RBFOX1: variants seen among roughly 807,000 people sequenced by gnomAD.
RBFOX1 encodes RNA binding fox-1 homolog 1.
A neutral mutation model predicts 57.7 loss-of-function variants in RBFOX1; 8 were observed. That is an observed-to-expected ratio of 0.14 (90% CI 0.08 to 0.25). RBFOX1 has a LOEUF of 0.25. Ranked by LOEUF, RBFOX1 falls within the 10% of genes least tolerant of loss-of-function variation. The probability of loss-of-function intolerance (pLI) is 1.00; values close to 1 mark genes in which losing one functional copy is unlikely to be tolerated. For synonymous variants in RBFOX1, 326 were observed against 222.4 expected (o/e 1.47, Z -4.15); for missense variants, 611 against 548.5 (o/e 1.11, Z -1.14).
At chr16:7,174,686 A>G (rs1211364610) in intron 4 of RBFOX1, among the ~76,000 whole-genome samples, 2 of 152,202 alleles carry the variant, frequency 1.3e-5, no homozygotes, top group Non-Finnish European at 2.9e-5. Flanking sequence ...AGTCTGAGGC[A>G]GGAGAATCAC....
chr16:5,877,684 A>C (rs1325443649), intron 4 of RBFOX1, among the ~76,000 whole-genome samples: 2 of 152,262 alleles, frequency 1.3e-5, no homozygotes, highest in Admixed American at 1.3e-4. Flanking sequence ...GCTACCCTGA[A>C]GGGAGTGTGC....
intron 3 of RBFOX1, among the ~76,000 whole-genome samples, chr16:5,737,669 C>T (rs1328449953): frequency 6.6e-6 from 1 of 151,876 alleles, no homozygotes; most frequent in Admixed American, 6.6e-5. Flanking sequence ...TCTTCCTTTG[C>T]ACTGTCTCCG....
intron 4 of RBFOX1, among the ~76,000 whole-genome samples, chr16:7,114,898 C>T (rs2065557965): frequency 6.6e-6 from 1 of 152,112 alleles, no homozygotes; most frequent in Non-Finnish European, 1.5e-5. Context: ...TAGAGCAAAC[C>T]AAAATTTGGA....
At chr16:5,896,309 G>A (rs2058162318) in intron 4 of RBFOX1, among the ~76,000 whole-genome samples, 1 of 152,154 alleles carries the variant, frequency 6.6e-6, no homozygotes, top group African/African-American at 2.4e-5. Context: ...CCTGGGAGGT[G>A]TTTTGATCGT....
At chr16:5,766,066 G>T (rs76873759) in intron 3 of RBFOX1, among the ~76,000 whole-genome samples, 1 of 152,198 alleles carries the variant, frequency 6.6e-6, no homozygotes, top group East Asian at 1.9e-4. Flanking sequence ...GCAGCCAATA[G>T]CTCAGAGTTC....
intron 4 of RBFOX1, among the ~76,000 whole-genome samples, chr16:7,164,358 T>C (rs1227658884): frequency 6.6e-6 from 1 of 152,178 alleles, no homozygotes; most frequent in Non-Finnish European, 1.5e-5. Context: ...CTTGATCCAC[T>C]CATTGGCTAA....
chr16:6,088,071 G>A (rs7202980), intron 1 of RBFOX1, among the ~76,000 whole-genome samples: 164 of 152,242 alleles, frequency 1.1e-3, no homozygotes, highest in Non-Finnish European at 1.7e-3. Flanking sequence ...CTTTCTACAA[G>A]GTGAATTTTA....
intron 3 of RBFOX1, among the ~76,000 whole-genome samples, chr16:5,614,234 C>A (rs1382665232): frequency 1.3e-5 from 2 of 152,112 alleles, no homozygotes; most frequent in Admixed American, 1.3e-4. Context: ...AGACTGCAGA[C>A]ATTTTTAAAC....
chr16:5,270,248 T>G (rs2062971424), intron 1 of RBFOX1: 2 of 556,774 alleles, frequency 3.6e-6, no homozygotes, highest in Admixed American at 2.5e-5. Flanking sequence ...TTGATCCATT[T>G]TCTAAGAAAG....
At chr16:5,529,897 A>G (rs1383286296) in intron 2 of RBFOX1, among the ~76,000 whole-genome samples, 1 of 152,102 alleles carries the variant, frequency 6.6e-6, no homozygotes, top group Non-Finnish European at 1.5e-5. Context: ...GGATATTTAG[A>G]CACAGGGAGA....
chr16:5,852,971 C>T (rs2056934248), intron 3 of RBFOX1, among the ~76,000 whole-genome samples: 1 of 152,132 alleles, frequency 6.6e-6, no homozygotes, highest in Admixed American at 6.5e-5. Context: ...TGAGTTACTT[C>T]GTTCTCTCTG....
At chr16:5,315,023 G>T (rs2064196918) in intron 1 of RBFOX1, among the ~76,000 whole-genome samples, 1 of 152,172 alleles carries the variant, frequency 6.6e-6, no homozygotes, top group Admixed American at 6.5e-5. Flanking sequence ...GGGCCTCTGT[G>T]AGATGCCCTT....
chr16:7,134,746 T>C (rs62017065), intron 4 of RBFOX1, among the ~76,000 whole-genome samples: 13,588 of 152,236 alleles, frequency 0.089, 856 homozygotes, highest in Non-Finnish European at 0.13. Flanking sequence ...GCTGCTGCTG[T>C]AGATGGCTTG....
At chr16:7,581,380 G>A (rs62011672) in intron 6 of RBFOX1, among the ~76,000 whole-genome samples, 26,710 of 152,004 alleles carry the variant, frequency 0.18, 2,608 homozygotes, top group Non-Finnish European at 0.22. Flanking sequence ...AATGATGGGC[G>A]GTAAGAGGAG....
At chr16:5,467,150 G>C in intron 1 of RBFOX1, 1 of 1,370,000 alleles carries the variant, frequency 7.3e-7, no homozygotes, top group Non-Finnish European at 9.7e-7. Context: ...CAAAGCAATT[G>C]TTTCAATGTA....
At chr16:6,821,928 G>A (rs529739287) in intron 3 of RBFOX1, among the ~76,000 whole-genome samples, 291 of 152,262 alleles carry the variant, frequency 1.9e-3, no homozygotes, top group African/African-American at 6.7e-3. Context: ...AGGAAACTCT[G>A]TTTTTCACAG....
chr16:6,159,892 T>A (rs2096865430), intron 1 of RBFOX1, among the ~76,000 whole-genome samples: 1 of 97,552 alleles, frequency 1.0e-5, no homozygotes, highest in Admixed American at 1.4e-4. Flanking sequence ...TCTCCTTAAA[T>A]TTGTGCTGCT....
intron 4 of RBFOX1, among the ~76,000 whole-genome samples, chr16:7,319,119 T>A (rs2143004329): frequency 6.6e-6 from 1 of 152,344 alleles, no homozygotes; most frequent in Middle Eastern, 3.4e-3. Context: ...AGTTCCCTTT[T>A]GTCCCTTTGT....
intron 3 of RBFOX1, among the ~76,000 whole-genome samples, chr16:6,914,069 T>C (rs1476132848): frequency 6.6e-6 from 1 of 152,240 alleles, no homozygotes; most frequent in African/African-American, 2.4e-5. Flanking sequence ...AAACCCATCT[T>C]TTGTTTTATG....
Sources: allele counts gnomAD v4.1 joint callset (sites outside exome capture counted in the v4.1 genomes callset), GRCh38; gene constraint gnomAD v4.1.1; transcripts MANE v1.5; gene names NCBI Gene and HGNC (gene_info 2026-07-23, HGNC 2026-07-21).